SMIM31: variants seen among roughly 807,000 people sequenced by gnomAD.
SMIM31 encodes small integral membrane protein 31.
At chr4:164,776,907 T>C (rs1732885867) in intron 2 of SMIM31, among the ~76,000 whole-genome samples, 2 of 152,220 alleles carry the variant, frequency 1.3e-5, no homozygotes, top group Non-Finnish European at 2.9e-5. Context: ...AATAATTTAA[T>C]CCTAAGATTA....
intron 2 of SMIM31, among the ~76,000 whole-genome samples, chr4:164,796,999 T>C (rs1427393162): frequency 6.6e-6 from 1 of 152,238 alleles, no homozygotes; most frequent in Non-Finnish European, 1.5e-5. Context: ...TACACTGTTC[T>C]TCCAGCTGTT....
chr4:164,754,715 T>C (rs1053141908), intron 1 of SMIM31, among the ~76,000 whole-genome samples: 6 of 151,646 alleles, frequency 4.0e-5, no homozygotes, highest in African/African-American at 1.2e-4. Flanking sequence ...CCAGAAGATA[T>C]GTATTTGTAT....
chr4:164,757,108 T>G (rs1026197705), intron 1 of SMIM31, among the ~76,000 whole-genome samples: 3 of 152,204 alleles, frequency 2.0e-5, no homozygotes, highest in Admixed American at 2.0e-4. Flanking sequence ...TTTAGCTATG[T>G]TAGTGGTTAG....
chr4:164,791,016 T>C (rs191616173), intron 2 of SMIM31, among the ~76,000 whole-genome samples: 1 of 152,318 alleles, frequency 6.6e-6, no homozygotes, highest in African/African-American at 2.4e-5. Context: ...AAAAACTCCA[T>C]ATAATAATTA....
chr4:164,800,790 C>T (rs1382554740), intron 2 of SMIM31, among the ~76,000 whole-genome samples: 2 of 152,140 alleles, frequency 1.3e-5, no homozygotes, highest in African/African-American at 2.4e-5. Context: ...GCTCTTTCTG[C>T]TCATCATCTT....
chr4:164,791,421 C>T (rs1408278838), intron 2 of SMIM31, among the ~76,000 whole-genome samples: 1 of 152,182 alleles, frequency 6.6e-6, no homozygotes, highest in Non-Finnish European at 1.5e-5. Context: ...CAACTTCTGC[C>T]TTTCAAGCTC....
chr4:164,781,639 T>G (rs1018195055), intron 2 of SMIM31, among the ~76,000 whole-genome samples: 3 of 152,128 alleles, frequency 2.0e-5, no homozygotes, highest in Non-Finnish European at 4.4e-5. Flanking sequence ...ACTAGATCCA[T>G]GTTGCACTTC....
intron 2 of SMIM31, among the ~76,000 whole-genome samples, chr4:164,790,784 A>G (rs1218322876): frequency 6.6e-6 from 1 of 152,144 alleles, no homozygotes; most frequent in African/African-American, 2.4e-5. Context: ...TCTGGTGAAA[A>G]GAATGTGTAA....
At chr4:164,773,900 C>T (rs1732846285) in intron 2 of SMIM31, among the ~76,000 whole-genome samples, 1 of 152,158 alleles carries the variant, frequency 6.6e-6, no homozygotes, top group Admixed American at 6.5e-5. Context: ...GGTGCGGTGG[C>T]TCACGCCTGT....
intron 2 of SMIM31, among the ~76,000 whole-genome samples, chr4:164,785,583 C>T (rs1229512740): frequency 6.6e-6 from 1 of 151,894 alleles, no homozygotes; most frequent in South Asian, 2.1e-4. Flanking sequence ...ATTTGAGATA[C>T]AGATCCAATG....
chr4:164,756,694 A>T (rs1376529688), intron 1 of SMIM31, among the ~76,000 whole-genome samples: 6 of 152,130 alleles, frequency 3.9e-5, no homozygotes, highest in Non-Finnish European at 8.8e-5. Flanking sequence ...AGATGTAAAC[A>T]ATCTTCCTCT....
At chr4:164,768,245 AAAAG>A (rs374721576) in intron 1 of SMIM31, among the ~76,000 whole-genome samples, 754 of 45,530 alleles carry the variant, frequency 0.017, 6 homozygotes, top group African/African-American at 0.035. Flanking sequence ...CAAAAAAAAA[AAAAG>A]AAAAGAAAAG....
intron 2 of SMIM31, among the ~76,000 whole-genome samples, chr4:164,795,643 A>G (rs529295684): frequency 1.3e-5 from 2 of 152,094 alleles, no homozygotes; most frequent in South Asian, 4.2e-4. Context: ...AAGATAATTG[A>G]ATATAACCCT....
chr4:164,785,289 T>C lies in SMIM31; in HGVS notation c.112+14734T>C, dbSNP rs571190486. ...CATTTACTAAAAGAAGAATGATTTC[T>C]TCATGACAAGAGCAATTAAAAACAC... On this transcript the variant is annotated intron_variant, in intron 2 of 2. Coordinates refer to ENST00000507311, the MANE Select transcript of SMIM31 (RefSeq NM_001352885.1). 2.6e-5 allele frequency among the ~76,000 whole-genome samples: 4 copies of C among 152,226 alleles called. No individual in the cohort carries two copies. In the South Asian group the frequency reaches 8.3e-4, roughly 32 times the overall value.
At chr4:164,787,571 G>T (rs1485902708) in intron 2 of SMIM31, among the ~76,000 whole-genome samples, 2 of 146,548 alleles carry the variant, frequency 1.4e-5, no homozygotes, top group Admixed American at 1.4e-4. Flanking sequence ...AAAACTAGTG[G>T]ATACAGTCAG....
intron 2 of SMIM31, among the ~76,000 whole-genome samples, chr4:164,795,527 T>A (rs1217341230): frequency 1.7e-5 from 2 of 117,426 alleles, no homozygotes; most frequent in Non-Finnish European, 3.2e-5. Context: ...GCCACTGCAC[T>A]CCAGCCTGGT....
chr4:164,756,645 C>T (rs1732565503), intron 1 of SMIM31, among the ~76,000 whole-genome samples: 1 of 151,760 alleles, frequency 6.6e-6, no homozygotes. Flanking sequence ...ATCTAGAATG[C>T]TCTTTCCTTT....
intron 1 of SMIM31, among the ~76,000 whole-genome samples, chr4:164,757,465 G>A (rs1278379487): frequency 6.6e-6 from 1 of 151,162 alleles, no homozygotes; most frequent in Non-Finnish European, 1.5e-5. Flanking sequence ...TAATTTCCAT[G>A]TCCTATCTTA....
intron 2 of SMIM31, among the ~76,000 whole-genome samples, chr4:164,798,247 T>G (rs543802734): frequency 3.1e-4 from 47 of 151,866 alleles, no homozygotes; most frequent in Non-Finnish European, 5.7e-4. Context: ...TTTTTTATTT[T>G]TTTTGAGACG....
Sources: allele counts gnomAD v4.1 joint callset (sites outside exome capture counted in the v4.1 genomes callset), GRCh38; gene constraint gnomAD v4.1.1; transcripts MANE v1.5; gene names NCBI Gene and HGNC (gene_info 2026-07-23, HGNC 2026-07-21).